ZSCAN31: variants seen among roughly 807,000 people sequenced by gnomAD.
ZSCAN31 encodes the protein zinc finger and SCAN domain containing 31.
ZSCAN31 carries 14 observed loss-of-function variants against 22.5 expected under a neutral mutation model. The ratio of observed to expected loss-of-function variants is 0.62; its 90% CI spans 0.41 to 0.97. The LOEUF is 0.97. Among genes scored for constraint, ZSCAN31 ranks in the 50% least tolerant of loss-of-function variants. The probability of loss-of-function intolerance (pLI) is 0.00; values close to 1 mark genes in which losing one functional copy is unlikely to be tolerated. For missense variants in ZSCAN31, 424 were observed against 483.4 expected (o/e 0.88, Z 1.15); for synonymous variants, 168 against 169.8 (o/e 0.99, Z 0.08).
intron 2 of ZSCAN31, chr6:28,353,581 G>T (rs1391963022): frequency 3.7e-6 from 1 of 273,050 alleles, no homozygotes; most frequent in Non-Finnish European, 7.4e-6. Flanking sequence ...GGAAGGAGTA[G>T]ATTAGGAAGC....
At chr6:28,354,510 GC>G (rs766292430), upstream of ZSCAN31, among the ~76,000 whole-genome samples, 65 of 152,040 alleles carry the variant, frequency 4.3e-4, no homozygotes, top group Non-Finnish European at 8.4e-4. Context: ...ATACACACAG[GC>G]TTGACACATA....
At chr6:28,350,682 C>T (rs1465948775) in intron 2 of ZSCAN31, among the ~76,000 whole-genome samples, 3 of 152,148 alleles carry the variant, frequency 2.0e-5, no homozygotes, top group Admixed American at 1.3e-4. Flanking sequence ...ACTATGATGA[C>T]ACATTAGTGA....
chr6:28,330,441 C>A (rs1222479353), intron 1 of ZSCAN31, among the ~76,000 whole-genome samples: 1 of 152,094 alleles, frequency 6.6e-6, no homozygotes, highest in Non-Finnish European at 1.5e-5. Flanking sequence ...GAAGGGTGAA[C>A]CTCTGGGAAG....
Position 28,349,806 on chromosome 6 carries a change from G to A in ZSCAN31, c.-371+4056C>T, listed in dbSNP as rs1449509119. 2 of 152,160 alleles carry A rather than the reference G, an allele frequency of 1.3e-5. No individual in the cohort carries two copies. Among genetic ancestry groups the A allele is most frequent in the African/African-American group, 4.8e-5 (2 of 41,440 alleles). The allele number at this position is 152,160 out of a possible 1,614,324, so 9.4% of individuals were successfully genotyped here. ...TGCCTTTCTCCCTTAGTTATAGCTG[G>A]AAAAATAAAAATTTAAAAGCCTCTT... On this transcript the variant is annotated intron_variant, in intron 2 of 7. Coordinates refer to the ZSCAN31 transcript ENST00000396838. This position sits in a 1 kb window ranked among gnomAD's most constrained non-coding sequence, Gnocchi z 4.1.
intron 2 of ZSCAN31, among the ~76,000 whole-genome samples, chr6:28,344,265 C>T (rs1485214986): frequency 3.3e-5 from 5 of 152,118 alleles, no homozygotes; most frequent in Non-Finnish European, 4.4e-5. Flanking sequence ...GAGTCACTAC[C>T]TTGGCAGGAG....
rs1763234477 is a variant in ZSCAN31, at chr6:28,326,110, T to C, written c.*56A>G. ...AGTTCTGCTGGAACAGTATGGATTC[T>C]AAAATGCCTAATAAGGTTGCAATGA... is the stretch of plus-strand genomic sequence containing the variant. On this transcript the variant is annotated 3_prime_UTR_variant, in exon 4 of 4. Transcript: ENST00000344279. The C allele has an allele frequency of 3.4e-6, 5 of 1,486,882 alleles. No homozygotes were observed. In the South Asian group the frequency reaches 6.3e-5, roughly 19 times the overall value. The allele number at this position is 1,486,882 out of a possible 1,614,324, so 92.1% of individuals were successfully genotyped here.
At position 28,329,723 on chromosome 6, in the gene ZSCAN31, A is replaced by G. The variant is rs1763600577; in HGVS notation, c.-40T>C. On this transcript the variant is annotated 5_prime_UTR_variant, in exon 2 of 4. Transcript: ENST00000344279. Reference sequence around the variant, plus strand: ...TGGAAGGCTTACTCTGGCTTTAAGTAAAGGGATAACTGTGATTTAAAATTT... The same window carrying G: ...TGGAAGGCTTACTCTGGCTTTAAGTGAAGGGATAACTGTGATTTAAAATTT... 1 of 1,567,656 alleles carries G rather than the reference A, an allele frequency of 6.4e-7. No individual in the cohort carries two copies.
At chr6:28,334,789 CAG>C (rs965149792) in intron 1 of ZSCAN31, among the ~76,000 whole-genome samples, 34 of 152,102 alleles carry the variant, frequency 2.2e-4, no homozygotes, top group African/African-American at 8.0e-4. Context: ...TGTGGGACAA[CAG>C]GGGGTGGAAG....
upstream of ZSCAN31, chr6:28,354,316 G>A (rs572047660): frequency 1.2e-4 from 27 of 216,870 alleles, no homozygotes; most frequent in South Asian, 1.8e-3. Flanking sequence ...GTGCGCCTGC[G>A]TTCCAAACTC....
intron 2 of ZSCAN31, among the ~76,000 whole-genome samples, chr6:28,344,898 G>A (rs1764574486): frequency 6.6e-6 from 1 of 151,898 alleles, no homozygotes; most frequent in African/African-American, 2.4e-5. Context: ...GGGATGCCAA[G>A]GCAGGTGGAT....
At chr6:28,346,775 TAGTAA>T (rs1467705173) in intron 2 of ZSCAN31, among the ~76,000 whole-genome samples, 1 of 152,076 alleles carries the variant, frequency 6.6e-6, no homozygotes, top group Non-Finnish European at 1.5e-5. Context: ...ACAAAGATGA[TAGTAA>T]AGGATGAGGG....
chr6:28,338,488 AG>A (rs1561919758), upstream of ZSCAN31, among the ~76,000 whole-genome samples: 2 of 152,222 alleles, frequency 1.3e-5, no homozygotes, highest in East Asian at 3.9e-4. Context: ...GAGACAGAAC[AG>A]GGTCTCGTTC....
rs1438962790 is a variant in ZSCAN31 at position 28,326,145 on chromosome 6, G to C, written c.*21C>G. ...AATAAGGTTGCAATGATGACTGAAG[G>C]CTTTCCCAAACTCATCACCCTTATG... On this transcript the variant is annotated 3_prime_UTR_variant, in exon 4 of 4. Transcript: ENST00000344279. 2.5e-6 allele frequency: 4 copies of C among 1,576,698 alleles called. No homozygotes were observed. The highest frequency in any genetic ancestry group is 2.7e-5 in the African/African-American group (2 of 73,864).
In ZSCAN31 at chr6:28,347,407, C is replaced by G. The variant is rs1223318593; in HGVS notation, c.-370-5615G>C. Among the ~76,000 whole-genome samples the G allele has an allele frequency of 1.3e-5, 2 of 152,176 alleles. No individual in the cohort carries two copies. The highest frequency in any genetic ancestry group is 2.9e-5 in the Non-Finnish European group (2 of 68,038). On this transcript the variant is annotated intron_variant, in intron 2 of 7. Transcript: ENST00000396838. The surrounding 1 kb of genome is among the most constrained non-coding windows in gnomAD (Gnocchi z 5.2). ...CAGAATGTCACTAGACTTACACCATCTTATTTGTATTGCAGTTAGCCCCCT... is the reference window on the plus strand; with the variant it reads ...CAGAATGTCACTAGACTTACACCATGTTATTTGTATTGCAGTTAGCCCCCT...
intron 1 of ZSCAN31, 59 bp from the exon 2 acceptor site, chr6:28,329,837 C>T: frequency 1.2e-6 from 1 of 831,716 alleles, no homozygotes. Flanking sequence ...GGGAAAAAAG[C>T]AAAGTATGGA....
intron 2 of ZSCAN31, among the ~76,000 whole-genome samples, chr6:28,328,094 C>T (rs751682215): frequency 6.6e-6 from 1 of 152,266 alleles, no homozygotes; most frequent in African/African-American, 2.4e-5. Context: ...ACACAGACAT[C>T]AAGTACTTTA....
rs1210160169 is a variant in ZSCAN31 at position 28,326,572 on chromosome 6, C to G, written c.815G>C (p.Cys272Ser). Residue 272 changes from cysteine to serine, a missense_variant, in exon 4 of 4, where the codon TGT (cysteine) becomes TCT (serine). Cys to Ser is a moderately radical substitution (Grantham distance 112). Coordinates refer to ENST00000344279, the MANE Select transcript of ZSCAN31 (RefSeq NM_030899.5). ...TGEKPYECEE[C>S]GKAFSRRSSL... ...TGACCTCCGGCTGAAGGCCTTCCCA[C>G]ATTCTTCACATTCATATGGCTTCTC... 12 of 1,614,116 alleles carry G rather than the reference C, an allele frequency of 7.4e-6. No individual in the cohort carries two copies. The highest frequency in any genetic ancestry group is 8.5e-6 in the Non-Finnish European group (10 of 1,180,048).
upstream of ZSCAN31, among the ~76,000 whole-genome samples, chr6:28,338,417 C>T (rs1422523021): frequency 6.6e-6 from 1 of 152,088 alleles, no homozygotes; most frequent in East Asian, 1.9e-4. Context: ...ATGGAAAATA[C>T]ATTCTTTACA....
At chr6:28,350,081 A>AGTGTGT (rs955657610) in intron 2 of ZSCAN31, 4 of 100,278 alleles carry the variant, frequency 4.0e-5, no homozygotes, top group African/African-American at 1.8e-4. Flanking sequence ...CGTTTGCAGG[A>AGTGTGT]GTATGTGTGT....
Sources: allele counts gnomAD v4.1 joint callset (sites outside exome capture counted in the v4.1 genomes callset), GRCh38; gene constraint gnomAD v4.1.1; non-coding constraint Gnocchi (gnomAD v3.1); transcripts MANE v1.5; gene names NCBI Gene and HGNC (gene_info 2026-07-23, HGNC 2026-07-21).